Variants in LRRC4C observed in about 807,000 individuals in gnomAD.
The protein encoded by LRRC4C is leucine-rich repeat-containing protein 4C.
LRRC4C carries 5 observed loss-of-function variants against 33.6 expected under a neutral mutation model. The observed-to-expected ratio is 0.15, with a 90% CI of 0.08 to 0.31. The LOEUF is 0.31. Among genes scored for constraint, LRRC4C ranks in the 10% least tolerant of loss-of-function variants. LRRC4C has a pLI of 1.00. For missense variants in LRRC4C, 560 were observed against 796.7 expected (o/e 0.70, Z 3.58); for synonymous variants, 329 against 302.0 (o/e 1.09, Z -0.93).
At chr11:41,166,784 T>C (rs1350269391) in intron 1 of LRRC4C, among the ~76,000 whole-genome samples, 1 of 152,232 alleles carries the variant, frequency 6.6e-6, no homozygotes, top group Non-Finnish European at 1.5e-5. Context: ...ATTGATTGAA[T>C]ATGGTCCACT....
At chr11:40,227,122 A>C (rs772463947) in intron 5 of LRRC4C, among the ~76,000 whole-genome samples, 30 of 152,216 alleles carry the variant, frequency 2.0e-4, no homozygotes, top group Non-Finnish European at 4.0e-4. Context: ...TCCCTGCAAG[A>C]GTGTAGAAAG....
intron 1 of LRRC4C, among the ~76,000 whole-genome samples, chr11:41,259,580 G>A (rs943887550): frequency 1.1e-4 from 17 of 151,932 alleles, no homozygotes; most frequent in African/African-American, 3.4e-4. Context: ...TCACATATGC[G>A]CAAATGCAGT....
chr11:40,463,117 G>T (rs1746082132), intron 3 of LRRC4C, among the ~76,000 whole-genome samples: 1 of 152,088 alleles, frequency 6.6e-6, no homozygotes, highest in Admixed American at 6.6e-5. Context: ...AATCCCTGGA[G>T]CCAAGAGTGT....
intron 1 of LRRC4C, among the ~76,000 whole-genome samples, chr11:41,173,445 C>T (rs1945063859): frequency 6.6e-6 from 1 of 152,126 alleles, no homozygotes; most frequent in Non-Finnish European, 1.5e-5. Flanking sequence ...TCATGCTAGC[C>T]ATCAGCCCTA....
chr11:41,342,130 C>T (rs959326545), intron 1 of LRRC4C, among the ~76,000 whole-genome samples: 6 of 151,436 alleles, frequency 4.0e-5, no homozygotes, highest in African/African-American at 1.4e-4. Context: ...AACACAGTTA[C>T]CTCCACTATT....
At chr11:41,424,667 T>C (rs900123885) in intron 1 of LRRC4C, among the ~76,000 whole-genome samples, 1 of 151,966 alleles carries the variant, frequency 6.6e-6, no homozygotes, top group South Asian at 2.1e-4. Context: ...AAGATACCAA[T>C]TTGTGTTTTA....
intron 1 of LRRC4C, among the ~76,000 whole-genome samples, chr11:41,209,649 A>G (rs959827738): frequency 1.3e-5 from 2 of 151,886 alleles, no homozygotes; most frequent in Non-Finnish European, 2.9e-5. Context: ...TGTCTCAAAA[A>G]AAAAAAAAAA....
intron 3 of LRRC4C, among the ~76,000 whole-genome samples, chr11:40,497,104 C>T (rs932085552): frequency 6.6e-6 from 1 of 152,014 alleles, no homozygotes; most frequent in African/African-American, 2.4e-5. Context: ...GCAACTAAAT[C>T]ATCAAAAGTC....
At chr11:40,493,313 C>G (rs1372391392) in intron 3 of LRRC4C, among the ~76,000 whole-genome samples, 2 of 151,930 alleles carry the variant, frequency 1.3e-5, no homozygotes, top group Admixed American at 1.3e-4. Context: ...TTGTCTATAC[C>G]TATTCCAAAA....
At position 41,425,000 on chromosome 11, in the gene LRRC4C, A is replaced by G. The variant is rs367717874; in HGVS notation, c.-496+34431T>C. On this transcript the variant is annotated intron_variant, in intron 1 of 6. Transcript: ENST00000528697. ...AAGAAATAGGATTGGTACAGAGAAA[A>G]ATTAAAATGTACAAGATTTTTTAAA... is the stretch of plus-strand genomic sequence containing the variant. 9.9e-5 allele frequency among the ~76,000 whole-genome samples: 15 copies of G among 152,110 alleles called. 1 individual carries two copies. In the East Asian group the frequency reaches 1.9e-3, roughly 20 times the overall value.
At chr11:40,510,606 T>A (rs2135131863) in intron 3 of LRRC4C, among the ~76,000 whole-genome samples, 1 of 152,308 alleles carries the variant, frequency 6.6e-6, no homozygotes, top group South Asian at 2.1e-4. Context: ...TTCCTCTTTG[T>A]TGACAGGTAC....
At chr11:40,816,741 T>A in intron 2 of LRRC4C, among the ~76,000 whole-genome samples, 1 of 152,150 alleles carries the variant, frequency 6.6e-6, no homozygotes, top group Non-Finnish European at 1.5e-5. Context: ...ACTGGGAGAT[T>A]TCTAGGCTTA....
At chr11:40,515,305 T>A (rs1200698800) in intron 3 of LRRC4C, among the ~76,000 whole-genome samples, 2 of 152,050 alleles carry the variant, frequency 1.3e-5, no homozygotes, top group Non-Finnish European at 2.9e-5. Context: ...CTGATACACA[T>A]TTGTCGAAAG....
chr11:40,442,606 T>G (rs1453519435), intron 3 of LRRC4C, among the ~76,000 whole-genome samples: 1 of 152,228 alleles, frequency 6.6e-6, no homozygotes, highest in Non-Finnish European at 1.5e-5. Context: ...CTTTAAACTC[T>G]GTCTCAAAGC....
intron 1 of LRRC4C, among the ~76,000 whole-genome samples, chr11:41,339,230 A>C (rs1321901780): frequency 5.9e-5 from 9 of 152,182 alleles, no homozygotes; most frequent in Non-Finnish European, 1.2e-4. Context: ...GATAACTTAA[A>C]CTTTCATATA....
chr11:40,218,740 T>TATCTATCTATCTATCC (rs1491491352), intron 5 of LRRC4C, among the ~76,000 whole-genome samples: 4 of 134,620 alleles, frequency 3.0e-5, no homozygotes, highest in East Asian at 2.1e-4. Context: ...TCTATCTATC[T>TATCTATCTATCTATCC]ATCCATCCAT....
chr11:40,455,849 C>A (rs2138132447), intron 3 of LRRC4C, among the ~76,000 whole-genome samples: 1 of 152,032 alleles, frequency 6.6e-6, no homozygotes, highest in African/African-American at 2.4e-5. Flanking sequence ...TCTGTGTTGG[C>A]CAACTCATTT....
At chr11:41,136,271 G>A (rs149942420) in intron 1 of LRRC4C, among the ~76,000 whole-genome samples, 168 of 152,196 alleles carry the variant, frequency 1.1e-3, no homozygotes, top group African/African-American at 4.0e-3. Context: ...CGTGTAGGGG[G>A]CAGGAAGTAT....
intron 4 of LRRC4C, among the ~76,000 whole-genome samples, chr11:40,316,583 G>A (rs1945584453): frequency 6.6e-6 from 1 of 151,968 alleles, no homozygotes; most frequent in Admixed American, 6.5e-5. Flanking sequence ...GAAGAGTTAT[G>A]ATAGTTAATC....
Sources: allele counts gnomAD v4.1 joint callset (sites outside exome capture counted in the v4.1 genomes callset), GRCh38; gene constraint gnomAD v4.1.1; transcripts MANE v1.5; gene names NCBI Gene and HGNC (gene_info 2026-07-23, HGNC 2026-07-21).